RANBP2: variants seen among roughly 807,000 people sequenced by gnomAD.
The protein encoded by RANBP2 is E3 SUMO-protein ligase RanBP2.
RANBP2 carries 57 observed loss-of-function variants against 303.6 expected under a neutral mutation model. The ratio of observed to expected loss-of-function variants is 0.19; its 90% confidence interval spans 0.15 to 0.23. The LOEUF is 0.23. RANBP2 is among the 10% of genes least tolerant of loss of function. The probability of loss-of-function intolerance (pLI) is 1.00; values close to 1 mark genes in which losing one functional copy is unlikely to be tolerated. For missense variants in RANBP2, 3,138 were observed against 3,780.8 expected (o/e 0.83, Z 4.46); for synonymous variants, 1,167 against 1,301.5 (o/e 0.90, Z 2.23).
chr2:109,454,045 G>A, the RANBP2 span, among the ~76,000 whole-genome samples: 13 of 152,324 alleles, frequency 8.5e-5, no homozygotes, highest in South Asian at 4.1e-4. Flanking sequence ...TAAATATCCT[G>A]TAACTTAAAT....
chr2:109,535,488 T>G, the RANBP2 span, among the ~76,000 whole-genome samples: 2 of 152,150 alleles, frequency 1.3e-5, no homozygotes, highest in Non-Finnish European at 2.9e-5. Flanking sequence ...CTAGGCCAAG[T>G]GGGCTGTTTT....
the RANBP2 span, among the ~76,000 whole-genome samples, chr2:108,983,101 C>T: frequency 6.6e-6 from 1 of 152,230 alleles, no homozygotes; most frequent in Non-Finnish European, 1.5e-5. Context: ...ACAAATCCCA[C>T]TCTAAACTCA....
chr2:109,539,472 C>T, the RANBP2 span, among the ~76,000 whole-genome samples: 6 of 151,820 alleles, frequency 4.0e-5, no homozygotes, highest in Non-Finnish European at 8.8e-5. Context: ...TTTTTTGAGG[C>T]GGATTCTGTC....
At chr2:108,934,073 C>G in the RANBP2 span, among the ~76,000 whole-genome samples, 2 of 152,124 alleles carry the variant, frequency 1.3e-5, no homozygotes. Context: ...CTGGGCCTGC[C>G]GCACCTTAGT....
the RANBP2 span, among the ~76,000 whole-genome samples, chr2:109,380,579 C>T: frequency 6.6e-6 from 1 of 152,356 alleles, no homozygotes; most frequent in Admixed American, 6.5e-5. Flanking sequence ...AGCCCCTTGT[C>T]CTCGCTGCCA....
the RANBP2 span, among the ~76,000 whole-genome samples, chr2:109,266,983 C>G: frequency 1.3e-5 from 2 of 152,158 alleles, no homozygotes; most frequent in African/African-American, 4.8e-5. Context: ...ATTTGCAAAT[C>G]TGTGTCTTTA....
the RANBP2 span, among the ~76,000 whole-genome samples, chr2:108,862,030 C>T: frequency 8.6e-4 from 125 of 146,030 alleles, 5 homozygotes; most frequent in Admixed American, 5.0e-3. Flanking sequence ...GTATTGGTTT[C>T]TATTTTTATT....
chr2:109,484,428 C>T, the RANBP2 span, among the ~76,000 whole-genome samples: 7 of 152,234 alleles, frequency 4.6e-5, no homozygotes, highest in Middle Eastern at 3.4e-3. Context: ...CACTCTGGCC[C>T]GCACCTGCTT....
the RANBP2 span, among the ~76,000 whole-genome samples, chr2:109,384,392 C>T: frequency 2.6e-5 from 4 of 152,006 alleles, no homozygotes; most frequent in African/African-American, 9.7e-5. Flanking sequence ...CGGGACTTGG[C>T]AGGGAAAGCG....
chr2:109,426,611 G>A, the RANBP2 span, among the ~76,000 whole-genome samples: 1 of 152,154 alleles, frequency 6.6e-6, no homozygotes, highest in Non-Finnish European at 1.5e-5. Context: ...TGGTGAAGAT[G>A]GTGGGAACAT....
the RANBP2 span, among the ~76,000 whole-genome samples, chr2:109,197,265 G>A: frequency 3.9e-5 from 6 of 152,130 alleles, no homozygotes; most frequent in African/African-American, 1.2e-4. Context: ...TTCGTTGGTC[G>A]TTAGGGATGC....
At chr2:109,394,873 G>T in the RANBP2 span, among the ~76,000 whole-genome samples, 1 of 152,246 alleles carries the variant, frequency 6.6e-6, no homozygotes. Flanking sequence ...AACTTGCAGA[G>T]TGAGGAGCTG....
the RANBP2 span, among the ~76,000 whole-genome samples, chr2:109,675,163 G>A: frequency 6.6e-6 from 1 of 152,104 alleles, no homozygotes; most frequent in South Asian, 2.1e-4. Flanking sequence ...TGTAGAGACA[G>A]GATCTCACTA....
At chr2:109,361,782 A>G in the RANBP2 span, among the ~76,000 whole-genome samples, 3 of 152,274 alleles carry the variant, frequency 2.0e-5, no homozygotes, top group African/African-American at 4.8e-5. Context: ...ATTGAATTAT[A>G]TATTTCTTCT....
chr2:109,552,229 A>G, the RANBP2 span, among the ~76,000 whole-genome samples: 1 of 152,206 alleles, frequency 6.6e-6, no homozygotes, highest in Admixed American at 6.5e-5. Context: ...CTTCCAGGAA[A>G]CGGGTCCCTG....
the RANBP2 span, among the ~76,000 whole-genome samples, chr2:108,983,976 A>T: frequency 6.6e-6 from 1 of 152,228 alleles, no homozygotes; most frequent in Non-Finnish European, 1.5e-5. Flanking sequence ...GTGTCCCAGC[A>T]GGGCTGCAAG....
the RANBP2 span, among the ~76,000 whole-genome samples, chr2:108,847,374 T>C: frequency 6.6e-6 from 1 of 152,164 alleles, no homozygotes; most frequent in Admixed American, 6.5e-5. Context: ...CAGAGTTGAG[T>C]AGTTGGCAGC....
the RANBP2 span, among the ~76,000 whole-genome samples, chr2:109,474,265 G>A: frequency 6.6e-6 from 1 of 152,210 alleles, no homozygotes; most frequent in Non-Finnish European, 1.5e-5. Flanking sequence ...CCTTTTAGCA[G>A]TGGGAGAAAG....
the RANBP2 span, chr2:109,432,521 A>T: frequency 6.2e-7 from 1 of 1,613,556 alleles, no homozygotes; most frequent in South Asian, 1.1e-5. Context: ...CTCTACGCCT[A>T]CAAGCCCCAG....
Sources: gnomAD v4.1 joint callset for allele counts (sites outside exome capture counted in the v4.1 genomes callset) on GRCh38, gnomAD v4.1.1 for gene constraint, MANE v1.5 for transcripts, NCBI Gene and HGNC (gene_info 2026-07-23, HGNC 2026-07-21) for gene names.